ZBTB8OS: variants seen among roughly 807,000 people sequenced by gnomAD.
The protein encoded by ZBTB8OS is tRNA splicing ligase complex subunit 1.
Under a neutral mutation model 29.3 loss-of-function variants are expected in ZBTB8OS, and 16 were observed. The observed-to-expected ratio is 0.55, with a 90% CI of 0.37 to 0.83. ZBTB8OS has a LOEUF of 0.83. Ranked by LOEUF, ZBTB8OS falls within the 40% of genes least tolerant of loss-of-function variation. ZBTB8OS has a pLI of 0.00. For missense variants in ZBTB8OS, 160 were observed against 196.9 expected (o/e 0.81, Z 1.12); for synonymous variants, 70 against 64.6 (o/e 1.08, Z -0.40).
chr1:32,634,872 T>A, intron 1 of ZBTB8OS, 80 bp from the exon 2 acceptor site: 1 of 964,428 alleles, frequency 1.0e-6, no homozygotes, highest in Non-Finnish European at 1.7e-6. Flanking sequence ...TCTAGTCCAT[T>A]ATTATTAGGA....
chr1:32,636,344 C>A (rs1420177763), intron 1 of ZBTB8OS, among the ~76,000 whole-genome samples: 2 of 152,164 alleles, frequency 1.3e-5, no homozygotes, highest in African/African-American at 4.8e-5. Context: ...CTTGATGAAT[C>A]GGCTTTGTCT....
At chr1:32,622,105 T>A (rs1228310245) in intron 6 of ZBTB8OS, among the ~76,000 whole-genome samples, 157 bp from the exon 7 acceptor site, 1 of 152,022 alleles carries the variant, frequency 6.6e-6, no homozygotes, top group Non-Finnish European at 1.5e-5. Flanking sequence ...TAGGAGAATA[T>A]ACAGGGATCC....
chr1:32,629,596 G>T (rs1473813398), intron 5 of ZBTB8OS, among the ~76,000 whole-genome samples: 1 of 151,960 alleles, frequency 6.6e-6, no homozygotes, highest in East Asian at 1.9e-4. Context: ...TATATAGAAG[G>T]CCCTAGAAAA....
rs1338932892 is a variant in ZBTB8OS at position 32,631,880 on chromosome 1, C to T, written c.328-1G>A. 6.5e-7 allele frequency: 1 copy of T among 1,540,504 alleles called. No homozygotes were observed. Among genetic ancestry groups the T allele is most frequent in the East Asian group, 2.4e-5 (1 of 42,328 alleles). On this transcript the variant is annotated splice_acceptor_variant, in intron 4 of 6. Coordinates refer to ENST00000468695, the MANE Select transcript of ZBTB8OS (RefSeq NM_178547.5). LOFTEE classifies it high-confidence loss of function. The stretch of plus-strand genomic sequence containing the variant: ...GATCAATGCTAAGTACTTTCACTTC[C>T]TAGACAGGAAGAAAAATTTTTTAAT...
chr1:32,630,817 G>A (rs1325524409), intron 5 of ZBTB8OS, among the ~76,000 whole-genome samples: 1 of 151,664 alleles, frequency 6.6e-6, no homozygotes, highest in Non-Finnish European at 1.5e-5. Context: ...CTTCAGACCA[G>A]CCTGGCCAAC....
At chr1:32,622,434 G>A (rs909598615) in intron 6 of ZBTB8OS, among the ~76,000 whole-genome samples, 1 of 152,168 alleles carries the variant, frequency 6.6e-6, no homozygotes, top group Non-Finnish European at 1.5e-5. Flanking sequence ...AACGTGGATG[G>A]AGCTGGAGGC....
chr1:32,637,524 C>T (rs969886900), intron 1 of ZBTB8OS, among the ~76,000 whole-genome samples: 3 of 140,240 alleles, frequency 2.1e-5, no homozygotes, highest in Non-Finnish European at 4.7e-5. Context: ...GCCAAGATTG[C>T]ACCACCGCAC....
At chr1:32,636,710 TG>T (rs1393622434) in intron 1 of ZBTB8OS, among the ~76,000 whole-genome samples, 2 of 133,630 alleles carry the variant, frequency 1.5e-5, no homozygotes, top group Admixed American at 1.5e-4. Flanking sequence ...AAAAAAAAGG[TG>T]GGGGGGAAGA....
rs557958439 is a variant in ZBTB8OS at position 32,625,566 on chromosome 1, A to C, written c.417+1942T>G. ...AAACAAAACAAAACAAAACAAAACA[A>C]AACAAAAACTGTTAGGAGTACCAAG... is the stretch of plus-strand genomic sequence containing the variant. On this transcript the variant is annotated intron_variant, in intron 6 of 6. Transcript: ENST00000468695. Among the ~76,000 whole-genome samples, 13 of 142,426 alleles carry C rather than the reference A, an allele frequency of 9.1e-5. No individual in the cohort carries two copies. In the East Asian group the frequency reaches 1.2e-3, roughly 13 times the overall value. The allele number at this position is 142,426 out of a possible 152,430, so 93.4% of individuals were successfully genotyped here.
intron 6 of ZBTB8OS, among the ~76,000 whole-genome samples, chr1:32,624,377 CT>C (rs1428439307): frequency 4.6e-5 from 7 of 152,150 alleles, no homozygotes; most frequent in Non-Finnish European, 8.8e-5. Flanking sequence ...TTCGCTTATC[CT>C]ATTACATTTC....
chr1:32,634,626 C>T, intron 2 of ZBTB8OS, 142 bp downstream of exon 2: 1 of 1,094,626 alleles, frequency 9.1e-7, no homozygotes, highest in South Asian at 1.3e-5. Context: ...CCCTGCAAAA[C>T]TGAGTGCTTT....
At chr1:32,637,670 A>G (rs1557788682) in intron 1 of ZBTB8OS, among the ~76,000 whole-genome samples, 1 of 152,146 alleles carries the variant, frequency 6.6e-6, no homozygotes, top group East Asian at 1.9e-4. Flanking sequence ...TTCTCAAGAC[A>G]AGGAAGTGGA....
At chr1:32,635,828 G>C (rs1171329082) in intron 1 of ZBTB8OS, among the ~76,000 whole-genome samples, 7 of 152,142 alleles carry the variant, frequency 4.6e-5, no homozygotes, top group African/African-American at 9.7e-5. Flanking sequence ...GTTAGACTCT[G>C]AAACAAGATT....
At chr1:32,633,088 G>C (rs1383447113) in intron 4 of ZBTB8OS, among the ~76,000 whole-genome samples, 1 of 152,154 alleles carries the variant, frequency 6.6e-6, no homozygotes, top group East Asian at 1.9e-4. Context: ...ATCTCCATTT[G>C]GCTTTTCCTT....
chr1:32,648,651 T>C (rs1647034008), intron 1 of ZBTB8OS, among the ~76,000 whole-genome samples: 1 of 152,182 alleles, frequency 6.6e-6, no homozygotes. Flanking sequence ...TCAATATATA[T>C]GACCTATTAA....
In ZBTB8OS at chr1:32,638,856, A is replaced by G. The variant is rs112998470; in HGVS notation, c.98-4064T>C. ...TTGAACCCAGGTGGCAAAGGTTGCA[A>G]TGAGTTGAGATCGCACTACTGCACT... On this transcript the variant is annotated intron_variant, in intron 1 of 6. Transcript: ENST00000468695. Among the ~76,000 whole-genome samples, 1,063 of 152,166 alleles carry G rather than the reference A, an allele frequency of 7.0e-3. 10 individuals are homozygous for G. Among genetic ancestry groups the G allele is most frequent in the South Asian group, 0.029 (138 of 4,818 alleles).
intron 1 of ZBTB8OS, among the ~76,000 whole-genome samples, chr1:32,638,087 C>T (rs1438995843): frequency 1.3e-5 from 2 of 152,048 alleles, no homozygotes; most frequent in African/African-American, 2.4e-5. Flanking sequence ...ACCACCTACA[C>T]TGGCTTCCCA....
intron 1 of ZBTB8OS, among the ~76,000 whole-genome samples, chr1:32,637,725 A>G (rs1162163800): frequency 6.6e-6 from 1 of 152,216 alleles, no homozygotes; most frequent in Non-Finnish European, 1.5e-5. Flanking sequence ...CTGGTGATGA[A>G]CACGTTCTAT....
At chr1:32,641,816 G>A (rs1646432157) in intron 1 of ZBTB8OS, among the ~76,000 whole-genome samples, 1 of 151,766 alleles carries the variant, frequency 6.6e-6, no homozygotes, top group Non-Finnish European at 1.5e-5. Context: ...AGCTACTCAG[G>A]AGGCTGAGGC....
Sources: gnomAD v4.1 joint callset for allele counts (sites outside exome capture counted in the v4.1 genomes callset) on GRCh38, gnomAD v4.1.1 for gene constraint, MANE v1.5 for transcripts, NCBI Gene and HGNC (gene_info 2026-07-23, HGNC 2026-07-21) for gene names.